The following SRGAP2 variants were observed in gnomAD, a reference collection of about 807,000 sequenced individuals.
The protein encoded by SRGAP2 is SLIT-ROBO Rho GTPase activating protein 2, also known as SLIT-ROBO Rho GTPase-activating protein 2.
SRGAP2 carries 15 observed loss-of-function variants against 57.2 expected under a neutral mutation model. That is an observed-to-expected ratio of 0.26 (90% CI 0.18 to 0.40). The LOEUF is 0.40. Ranked by LOEUF, SRGAP2 falls within the 10% of genes least tolerant of loss-of-function variation. The pLI, the probability that SRGAP2 is intolerant of heterozygous loss-of-function variation, is 1.00. For missense variants in SRGAP2, 520 were observed against 669.6 expected (o/e 0.78, Z 2.47); for synonymous variants, 249 against 248.0 (o/e 1.00, Z -0.04).
intron 2 of SRGAP2, among the ~76,000 whole-genome samples, chr1:206,286,341 G>A (rs1202529027): frequency 6.6e-6 from 1 of 152,058 alleles, no homozygotes; most frequent in Non-Finnish European, 1.5e-5. Context: ...ATTTCTAAAG[G>A]AATAACTCTT....
intron 3 of SRGAP2, among the ~76,000 whole-genome samples, chr1:206,327,351 C>G (rs561116148): frequency 6.7e-6 from 1 of 150,190 alleles, no homozygotes; most frequent in African/African-American, 2.4e-5. Context: ...AAGAAGTGTT[C>G]CTATTTAGTA....
chr1:206,321,741 C>G (rs1314215091), intron 3 of SRGAP2, among the ~76,000 whole-genome samples: 11 of 148,160 alleles, frequency 7.4e-5, no homozygotes, highest in Admixed American at 2.0e-4. Flanking sequence ...TCATATTGTT[C>G]TATATTTGGC....
At chr1:206,394,471 A>C (rs1571493) in intron 7 of SRGAP2, among the ~76,000 whole-genome samples, 1 of 152,146 alleles carries the variant, frequency 6.6e-6, no homozygotes, top group Non-Finnish European at 1.5e-5. Context: ...AAGGTTTCTC[A>C]GTGTTAACTC....
chr1:206,378,656 G>T (rs1426821208), intron 4 of SRGAP2, among the ~76,000 whole-genome samples: 1 of 152,086 alleles, frequency 6.6e-6, no homozygotes, highest in Non-Finnish European at 1.5e-5. Context: ...CTGTAAAAAC[G>T]CACCAATCAG....
intron 2 of SRGAP2, among the ~76,000 whole-genome samples, chr1:206,246,979 G>A (rs1371542544): frequency 7.2e-6 from 1 of 137,958 alleles, no homozygotes; most frequent in African/African-American, 2.7e-5. Context: ...CATTTTCCTC[G>A]GATCCACAAT....
intron 5 of SRGAP2, among the ~76,000 whole-genome samples, chr1:206,389,425 CCTGGGCCTCCCAAAGTG>C (rs1558376952): frequency 2.0e-5 from 3 of 152,284 alleles, no homozygotes. Context: ...GATCCGCCCG[CCTGGGCCTCCCAAAGTG>C]CTGGGATTAC....
At chr1:206,389,387 C>G (rs1553349564) in intron 5 of SRGAP2, among the ~76,000 whole-genome samples, 1 of 151,958 alleles carries the variant, frequency 6.6e-6, no homozygotes, top group Non-Finnish European at 1.5e-5. Flanking sequence ...TCGTGTTAGC[C>G]AGGATGGTCT....
chr1:206,226,292 G>A (rs1553305485), intron 2 of SRGAP2, among the ~76,000 whole-genome samples: 1 of 151,576 alleles, frequency 6.6e-6, no homozygotes, highest in East Asian at 1.9e-4. Context: ...TCTATTTTGA[G>A]GAGAGTGGCC....
At chr1:206,338,830 A>G (rs1301876659) in intron 3 of SRGAP2, among the ~76,000 whole-genome samples, 17 of 133,152 alleles carry the variant, frequency 1.3e-4, no homozygotes, top group African/African-American at 4.8e-4. Context: ...AAAATCTTGC[A>G]TAGAGCCTCA....
chr1:206,324,781 A>C (rs1673747117), intron 3 of SRGAP2, among the ~76,000 whole-genome samples: 1 of 152,142 alleles, frequency 6.6e-6, no homozygotes, highest in African/African-American at 2.4e-5. Flanking sequence ...TAAAAATAAG[A>C]GGAAAACAAT....
rs367879501 is a variant in SRGAP2 at position 206,411,773 on chromosome 1, T to A, written c.1357-4116T>A. ...GGGAAGAGGTTTTTAAAAATGAAAT[T>A]TGAAAAGCATTCTAGTGCCTCTTAC... On this transcript the variant is annotated intron_variant, in intron 10 of 22. Transcript: ENST00000573034. 5.4e-4 allele frequency among the ~76,000 whole-genome samples: 83 copies of A among 152,332 alleles called. 1 individual carries two copies. The South Asian group carries it at 0.016, about 29-fold the overall frequency.
intron 18 of SRGAP2, among the ~76,000 whole-genome samples, chr1:206,449,431 A>G (rs1399802756): frequency 2.7e-5 from 4 of 147,036 alleles, no homozygotes; most frequent in Non-Finnish European, 5.9e-5. Flanking sequence ...AGCTAGAACC[A>G]CAGCATGCAC....
intron 13 of SRGAP2, 48 bp from the exon 14 acceptor site, chr1:206,430,114 T>C: frequency 1.3e-6 from 1 of 780,244 alleles, no homozygotes; most frequent in Non-Finnish European, 2.4e-6. Flanking sequence ...GACCCTGGGC[T>C]ATCCCTGTTT....
At chr1:206,243,436 G>T (rs1668359891) in intron 2 of SRGAP2, among the ~76,000 whole-genome samples, 1 of 151,902 alleles carries the variant, frequency 6.6e-6, no homozygotes, top group African/African-American at 2.4e-5. Context: ...CATGAATGGG[G>T]TGCTATTCTT....
intron 4 of SRGAP2, among the ~76,000 whole-genome samples, chr1:206,351,583 T>C (rs1553338165): frequency 1.3e-5 from 2 of 151,282 alleles, no homozygotes; most frequent in Non-Finnish European, 2.9e-5. Flanking sequence ...AGATCCTCTT[T>C]GGAGAAAAGA....
At chr1:206,283,326 G>GAGTAATTTAAACC in intron 2 of SRGAP2, among the ~76,000 whole-genome samples, 1 of 149,862 alleles carries the variant, frequency 6.7e-6, no homozygotes, top group Non-Finnish European at 1.5e-5. Flanking sequence ...TAAATTACTG[G>GAGTAATTTAAACC]AGTCTGACTA....
rs138930436 is a variant in SRGAP2 at position 206,378,865 on chromosome 1, C to T, written c.424-5149C>T. ...AGAACCCACCAGAAGGAACCAACTC[C>T]GGACACATAAGTACTTTTATTATAG... On this transcript the variant is annotated intron_variant, in intron 4 of 22. Coordinates refer to ENST00000573034, the MANE Select transcript of SRGAP2 (RefSeq NM_015326.5). 4.7e-3 allele frequency among the ~76,000 whole-genome samples: 717 copies of T among 152,268 alleles called. 7 individuals carry two copies. The highest frequency in any genetic ancestry group is 0.016 in the African/African-American group (663 of 41,536).
At chr1:206,432,560 T>C (rs1277969575) in intron 14 of SRGAP2, among the ~76,000 whole-genome samples, 2 of 152,192 alleles carry the variant, frequency 1.3e-5, no homozygotes, top group Non-Finnish European at 2.9e-5. Context: ...GAAGAAACTA[T>C]GGGACATTCA....
intron 4 of SRGAP2, among the ~76,000 whole-genome samples, chr1:206,358,166 G>A (rs1350150074): frequency 3.3e-5 from 5 of 152,052 alleles, no homozygotes; most frequent in Non-Finnish European, 7.3e-5. Flanking sequence ...TGGCTCAGTG[G>A]AGTTCTTTCA....
Sources: gnomAD v4.1 joint callset for allele counts (sites outside exome capture counted in the v4.1 genomes callset) on GRCh38, gnomAD v4.1.1 for gene constraint, MANE v1.5 for transcripts, NCBI Gene and HGNC (gene_info 2026-07-23, HGNC 2026-07-21) for gene names.